Variants in NTN4 observed in about 807,000 individuals in gnomAD.
The protein encoded by NTN4 is netrin-4.
Under a neutral mutation model 73.6 loss-of-function variants are expected in NTN4, and 32 were observed. That is an observed-to-expected ratio of 0.44 (90% confidence interval 0.33 to 0.58). NTN4 has a LOEUF of 0.58. Ranked by LOEUF, NTN4 falls within the 20% of genes least tolerant of loss-of-function variation. NTN4 has a pLI of 0.04. For synonymous variants in NTN4, 258 were observed against 287.5 expected, an observed-to-expected ratio of 0.90 and a Z score of 1.04; for missense variants, 654 against 798.3, an observed-to-expected ratio of 0.82 and a Z score of 2.18.
intron 2 of NTN4, among the ~76,000 whole-genome samples, chr12:95,748,230 C>CAAAAAA (rs769213172): frequency 3.3e-4 from 25 of 75,994 alleles, no homozygotes; most frequent in African/African-American, 5.0e-4. Flanking sequence ...GACTCTGTCT[C>CAAAAAA]AAAAAAAAAA....
chr12:95,781,216 T>C lies in NTN4; in HGVS notation c.585+5723A>G, dbSNP rs1045876713. 2.0e-5 allele frequency among the ~76,000 whole-genome samples: 3 copies of C among 152,180 alleles called. No individual in the cohort carries two copies. The highest frequency in any genetic ancestry group is 7.2e-5 in the African/African-American group (3 of 41,436). On this transcript the variant is annotated intron_variant, in intron 2 of 9. Coordinates refer to ENST00000343702, the MANE Select transcript of NTN4 (RefSeq NM_021229.4). This position sits in a 1 kb window ranked among gnomAD's most constrained non-coding sequence, Gnocchi z 4.1. ...ATACCTTATGTAAATGACGAGTTAA[T>C]GGGTGCAGCACACCAGCATGGCACA...
At chr12:95,742,365 TAAA>T (rs58390951) in intron 2 of NTN4, among the ~76,000 whole-genome samples, 4 of 136,500 alleles carry the variant, frequency 2.9e-5, no homozygotes, top group Admixed American at 1.5e-4. Flanking sequence ...ATGGTGGCGT[TAAA>T]AAAAAAAAAA....
Position 95,787,769 on chromosome 12 carries a change from G to C in NTN4, c.56-301C>G, listed in dbSNP as rs538942019. ...GCAGAGGGCAAGAGGAGGGAAAATA[G>C]AACCACCAGGGTGAAGATTATTGGC... On this transcript the variant is annotated intron_variant, in intron 1 of 9. Coordinates refer to ENST00000343702, the MANE Select transcript of NTN4 (RefSeq NM_021229.4). Among the ~76,000 whole-genome samples the C allele has an allele frequency of 2.0e-5, 3 of 152,276 alleles. No individual in the cohort carries two copies. The South Asian group carries it at 6.2e-4, about 32-fold the overall frequency.
At chr12:95,673,666 A>T (rs1428630654) in intron 7 of NTN4, 1 of 152,410 alleles carries the variant, frequency 6.6e-6, no homozygotes, top group African/African-American at 2.4e-5. Context: ...ATAATACAAA[A>T]CCATAATCCT....
At chr12:95,670,477 TTG>T (rs2078218734) in intron 7 of NTN4, 1 of 179,180 alleles carries the variant, frequency 5.6e-6, no homozygotes, top group Admixed American at 6.2e-5. Context: ...TGGAAAACAA[TTG>T]TCTTTCTGCA....
intron 5 of NTN4, among the ~76,000 whole-genome samples, chr12:95,697,652 C>G (rs2078452327): frequency 6.9e-6 from 1 of 144,792 alleles, no homozygotes; most frequent in East Asian, 2.0e-4. Flanking sequence ...TTCAAAAAAA[C>G]TAGGTTCTTT....
chr12:95,678,021 T>C, intron 7 of NTN4, among the ~76,000 whole-genome samples: 1 of 151,874 alleles, frequency 6.6e-6, no homozygotes, highest in East Asian at 1.9e-4. Flanking sequence ...AAAGGATGAG[T>C]TCATGTCCTT....
At chr12:95,679,417 T>C (rs2078298603) in intron 7 of NTN4, among the ~76,000 whole-genome samples, 1 of 152,148 alleles carries the variant, frequency 6.6e-6, no homozygotes, top group Middle Eastern at 3.2e-3. Context: ...CCCATGACCA[T>C]ATCTTAGACA....
intron 5 of NTN4, among the ~76,000 whole-genome samples, chr12:95,705,719 T>C (rs1054389348): frequency 2.6e-5 from 4 of 152,202 alleles, no homozygotes; most frequent in Non-Finnish European, 5.9e-5. Context: ...ATACTTATTA[T>C]ACTTCTGTGT....
intron 3 of NTN4, among the ~76,000 whole-genome samples, chr12:95,728,344 G>C (rs2078710778): frequency 6.6e-6 from 1 of 152,166 alleles, no homozygotes; most frequent in African/African-American, 2.4e-5. Flanking sequence ...AGGGGTGAGA[G>C]CAGACATCCT....
intron 2 of NTN4, among the ~76,000 whole-genome samples, chr12:95,750,284 C>T (rs144232205): frequency 0.2 from 30,771 of 151,330 alleles, 3,808 homozygotes; most frequent in Non-Finnish European, 0.28. Flanking sequence ...TAAGAACCGC[C>T]GAACCCCTTC....
In NTN4 at chr12:95,731,412, A is replaced by G. The variant is rs142465360; in HGVS notation, c.864+6454T>C. Among the ~76,000 whole-genome samples, 468 of 152,222 alleles carry G rather than the reference A, an allele frequency of 3.1e-3. 3 individuals carry two copies. Among genetic ancestry groups the G allele is most frequent in the African/African-American group, 0.011 (445 of 41,540 alleles). ...GTGAAACCCCATCTCTACTAAAAAT[A>G]AAAATTAGCCGGGTGTGGTAGTGGG... On this transcript the variant is annotated intron_variant, in intron 3 of 9. Coordinates refer to ENST00000343702, the MANE Select transcript of NTN4 (RefSeq NM_021229.4).
chr12:95,745,819 G>T (rs980361705), intron 2 of NTN4, among the ~76,000 whole-genome samples: 1 of 151,906 alleles, frequency 6.6e-6, no homozygotes, highest in Non-Finnish European at 1.5e-5. Context: ...TTTGAGTCTT[G>T]CTTTTACATT....
rs2078110945 is a variant in NTN4, at chr12:95,658,688, A to T, written c.*398T>A. 1 of 154,622 alleles carries T rather than the reference A, an allele frequency of 6.5e-6. No homozygotes were observed. Among genetic ancestry groups the T allele is most frequent in the Non-Finnish European group, 1.4e-5 (1 of 69,602 alleles). The allele number at this position is 154,622 out of a possible 1,614,324, so 9.6% of individuals were successfully genotyped here. On this transcript the variant is annotated 3_prime_UTR_variant, in exon 10 of 10. Transcript: ENST00000343702. ...TTTAACAAACACCTTTTCTGATAGT[A>T]GGGTTAGGGATTCCTTAAAACGTCA...
At chr12:95,764,218 G>T (rs2079005972) in intron 2 of NTN4, among the ~76,000 whole-genome samples, 1 of 152,226 alleles carries the variant, frequency 6.6e-6, no homozygotes, top group Non-Finnish European at 1.5e-5. Context: ...TGATGCAGGA[G>T]GCTGACTGGA....
chr12:95,734,495 C>A (rs1360682158), intron 3 of NTN4, among the ~76,000 whole-genome samples: 1 of 152,078 alleles, frequency 6.6e-6, no homozygotes, highest in South Asian at 2.1e-4. Flanking sequence ...AAAAACTGTG[C>A]TAAAAATTTA....
intron 8 of NTN4, among the ~76,000 whole-genome samples, chr12:95,669,836 A>G (rs553344882): frequency 2.0e-4 from 31 of 152,288 alleles, no homozygotes; most frequent in African/African-American, 7.2e-4. Context: ...TCTTTTTCTT[A>G]TGGTATAATA....
chr12:95,709,658 C>CAA (rs1392468273), intron 5 of NTN4, among the ~76,000 whole-genome samples: 1 of 151,948 alleles, frequency 6.6e-6, no homozygotes, highest in East Asian at 1.9e-4. Flanking sequence ...CTCAGCCTCC[C>CAA]AAATAGCTGA....
intron 2 of NTN4, among the ~76,000 whole-genome samples, chr12:95,768,420 G>A (rs2079034548): frequency 6.6e-6 from 1 of 152,052 alleles, no homozygotes; most frequent in African/African-American, 2.4e-5. Flanking sequence ...ATTAGGGGGA[G>A]GGGATCAGAA....
Sources: allele counts gnomAD v4.1 joint callset (sites outside exome capture counted in the v4.1 genomes callset), GRCh38; gene constraint gnomAD v4.1.1; non-coding constraint Gnocchi (gnomAD v3.1); transcripts MANE v1.5; gene names NCBI Gene and HGNC (gene_info 2026-07-23, HGNC 2026-07-21).